Variants in SAMD5 observed in about 807,000 individuals in gnomAD.
The protein encoded by SAMD5 is sterile alpha motif domain-containing protein 5.
SAMD5 carries 13 observed loss-of-function variants against 11.3 expected under a neutral mutation model. The observed-to-expected ratio is 1.15, with a 90% CI of 0.75 to 1.83. The LOEUF (loss-of-function observed/expected upper bound fraction) is 1.83. SAMD5 is among the 40% of genes most tolerant of loss of function. The pLI is 0.00. For missense variants in SAMD5, 255 were observed against 239.1 expected, an observed-to-expected ratio of 1.07 and a Z score of -0.44; for synonymous variants, 129 against 111.3, an observed-to-expected ratio of 1.16 and a Z score of -1.00.
chr6:147,664,832 A>T (rs994502492), intron 1 of SAMD5, among the ~76,000 whole-genome samples: 1 of 152,190 alleles, frequency 6.6e-6, no homozygotes, highest in African/African-American at 2.4e-5. Flanking sequence ...AAATGGTAAA[A>T]TAGCACCAAG....
chr6:147,638,254 C>A (rs73587492), intron 1 of SAMD5, among the ~76,000 whole-genome samples: 5,949 of 152,180 alleles, frequency 0.039, 214 homozygotes, highest in African/African-American at 0.093. Context: ...TGATGGCACA[C>A]GTAACTTACT....
At position 147,570,011 on chromosome 6, in the gene SAMD5, C is replaced by CACAAATG. The variant is rs1453245496; in HGVS notation, c.*5555_*5556insACAAATG. The CACAAATG allele has an allele frequency of 5.3e-4, 525 of 985,230 alleles. No homozygotes were observed. The highest frequency in any genetic ancestry group is 6.2e-4 in the Non-Finnish European group (512 of 829,852). The allele number at this position is 985,230 out of a possible 1,614,324, so 61.0% of individuals were successfully genotyped here. Reference sequence around the variant, plus strand: ...GTCCGCTCTTCAATAAATGTTACGGCTTTCACAGCGGTTCCGCCTTGGCCT... The same window carrying CACAAATG: ...GTCCGCTCTTCAATAAATGTTACGGCACAAATGTTTCACAGCGGTTCCGCCTTGGCCT... On this transcript the variant is annotated 3_prime_UTR_variant, in exon 2 of 2. Transcript: ENST00000367474.
At chr6:147,658,357 A>G (rs1015092326) in intron 1 of SAMD5, among the ~76,000 whole-genome samples, 3 of 152,198 alleles carry the variant, frequency 2.0e-5, no homozygotes, top group Non-Finnish European at 4.4e-5. Context: ...GCTCACAGTT[A>G]GATGTGGAAT....
chr6:147,752,703 T>C, the SAMD5 span, among the ~76,000 whole-genome samples: 1 of 152,162 alleles, frequency 6.6e-6, no homozygotes, highest in South Asian at 2.1e-4. Context: ...TTACATATTC[T>C]GGAACTGAGG....
At chr6:147,726,743 G>T (rs1173193342) in intron 1 of SAMD5, among the ~76,000 whole-genome samples, 2 of 152,208 alleles carry the variant, frequency 1.3e-5, no homozygotes, top group Admixed American at 6.5e-5. Context: ...TATAAAATGG[G>T]ATAATAGCAG....
chr6:147,824,025 G>A, the SAMD5 span, among the ~76,000 whole-genome samples: 1 of 152,140 alleles, frequency 6.6e-6, no homozygotes, highest in Non-Finnish European at 1.5e-5. Context: ...CTTACCCAAG[G>A]CCTCTCAGCA....
Position 147,715,092 on chromosome 6 carries a change from C to T in SAMD5, c.163-22225C>T, listed in dbSNP as rs140291741. Among the ~76,000 whole-genome samples the T allele has an allele frequency of 2.5e-4, 38 of 152,262 alleles. No homozygotes were observed. The East Asian group carries it at 4.1e-3, about 16-fold the overall frequency. ...TACACTCTTTCCTGCAGTGGTGTCA[C>T]GGGATCTTTAGGGTGTTTCTTTTCT... On this transcript the variant is annotated intron_variant, in intron 1 of 1. Coordinates refer to the SAMD5 transcript ENST00000566741.
chr6:147,859,461 A>G, the SAMD5 span, among the ~76,000 whole-genome samples: 1 of 152,230 alleles, frequency 6.6e-6, no homozygotes, highest in African/African-American at 2.4e-5. Context: ...GATTTAGGAA[A>G]AGCTCCTTGT....
intron 1 of SAMD5, among the ~76,000 whole-genome samples, chr6:147,585,247 A>G (rs76446962): frequency 0.016 from 2,469 of 152,274 alleles, 63 homozygotes; most frequent in African/African-American, 0.056. Context: ...ATTTTTAAAC[A>G]TTGACAAGTT....
chr6:147,835,955 A>G, the SAMD5 span, among the ~76,000 whole-genome samples: 1 of 152,206 alleles, frequency 6.6e-6, no homozygotes, highest in East Asian at 1.9e-4. Context: ...CGCTATGCTT[A>G]CATGCACATT....
At chr6:147,727,548 C>T (rs9485219) in intron 1 of SAMD5, among the ~76,000 whole-genome samples, 5,168 of 152,146 alleles carry the variant, frequency 0.034, 117 homozygotes, top group African/African-American at 0.057. Flanking sequence ...AAGTTATTAG[C>T]CAATGAATGT....
chr6:147,878,765 A>T, the SAMD5 span, among the ~76,000 whole-genome samples: 2 of 151,758 alleles, frequency 1.3e-5, no homozygotes, highest in Non-Finnish European at 2.9e-5. Context: ...CTAATACAAC[A>T]CAATGACTAA....
the SAMD5 span, among the ~76,000 whole-genome samples, chr6:147,803,794 C>T: frequency 6.6e-6 from 1 of 152,196 alleles, no homozygotes; most frequent in Non-Finnish European, 1.5e-5. Flanking sequence ...ACTACGCACA[C>T]TGCCTCTCTT....
At chr6:147,636,828 G>A (rs923341966) in intron 1 of SAMD5, among the ~76,000 whole-genome samples, 1 of 152,186 alleles carries the variant, frequency 6.6e-6, no homozygotes, top group East Asian at 1.9e-4. Context: ...CCAGCTAGCT[G>A]TCAACTACTG....
chr6:147,617,510 A>G (rs543498413), intron 1 of SAMD5, among the ~76,000 whole-genome samples: 1 of 152,338 alleles, frequency 6.6e-6, no homozygotes, highest in South Asian at 2.1e-4. Flanking sequence ...AGCTGCAGGG[A>G]TAGCTTTATG....
chr6:147,612,722 T>TGGATAAATCA (rs1296013737), intron 1 of SAMD5, among the ~76,000 whole-genome samples: 1 of 152,240 alleles, frequency 6.6e-6, no homozygotes, highest in Non-Finnish European at 1.5e-5. Flanking sequence ...TGTGTAAAAT[T>TGGATAAATCA]GGATAAATCA....
At chr6:147,557,339 G>A (rs1189588069) in intron 1 of SAMD5, among the ~76,000 whole-genome samples, 1 of 152,190 alleles carries the variant, frequency 6.6e-6, no homozygotes, top group African/African-American at 2.4e-5. Context: ...TCTAGGGCTT[G>A]TAACAAAATA....
At chr6:147,573,670 C>G (rs1291605649), downstream of SAMD5, among the ~76,000 whole-genome samples, 3 of 152,122 alleles carry the variant, frequency 2.0e-5, no homozygotes, top group Non-Finnish European at 4.4e-5. Flanking sequence ...TCTGGGAAAA[C>G]TTAGCAAAAT....
At chr6:147,585,171 A>T (rs976693680) in intron 1 of SAMD5, among the ~76,000 whole-genome samples, 8 of 152,158 alleles carry the variant, frequency 5.3e-5, no homozygotes, top group Admixed American at 1.3e-4. Flanking sequence ...TGACATAAGA[A>T]TCTGGAGAAT....
Sources: gnomAD v4.1 joint callset for allele counts (sites outside exome capture counted in the v4.1 genomes callset) on GRCh38, gnomAD v4.1.1 for gene constraint, MANE v1.5 for transcripts, NCBI Gene and HGNC (gene_info 2026-07-23, HGNC 2026-07-21) for gene names.